Variants in AGO2 observed in about 807,000 individuals in gnomAD.
AGO2 encodes the protein argonaute RISC catalytic component 2.
Under a neutral mutation model 102.3 loss-of-function variants are expected in AGO2, and 5 were observed. The ratio of observed to expected loss-of-function variants is 0.05; its 90% CI spans 0.03 to 0.10. The LOEUF (loss-of-function observed/expected upper bound fraction) is 0.10, where lower values mean the gene tolerates loss of function less well. Ranked by LOEUF, AGO2 falls within the 10% of genes least tolerant of loss-of-function variation. The probability of loss-of-function intolerance (pLI) is 1.00; values close to 1 mark genes in which losing one functional copy is unlikely to be tolerated. For synonymous variants in AGO2, 449 were observed against 473.1 expected (o/e 0.95, Z 0.66); for missense variants, 541 against 1,183.7 (o/e 0.46, Z 7.97).
intron 2 of AGO2, among the ~76,000 whole-genome samples, chr8:140,573,528 C>A (rs2073418564): frequency 6.6e-6 from 1 of 152,162 alleles, no homozygotes; most frequent in Non-Finnish European, 1.5e-5. Flanking sequence ...CTCCTTTGGG[C>A]AACATGACTT....
chr8:140,574,271 T>C (rs1409303401), intron 2 of AGO2, among the ~76,000 whole-genome samples: 1 of 141,414 alleles, frequency 7.1e-6, no homozygotes, highest in Non-Finnish European at 1.5e-5. Flanking sequence ...GTGCTTGTTT[T>C]ATTTTATTTT....
chr8:140,620,471 G>T (rs1471710233), intron 1 of AGO2, among the ~76,000 whole-genome samples: 1 of 152,248 alleles, frequency 6.6e-6, no homozygotes, highest in Non-Finnish European at 1.5e-5. Context: ...TGCGGAGCAG[G>T]AGAGGAGGAC....
rs375556536 is a variant in AGO2, at chr8:140,557,045, G to A, written c.1026+44C>T. 33 of 1,577,160 alleles carry A rather than the reference G, an allele frequency of 2.1e-5. No homozygotes were observed. The highest frequency in any genetic ancestry group is 1.2e-4 in the African/African-American group (9 of 73,922). On this transcript the variant is annotated intron_variant, in intron 8 of 18. Coordinates refer to ENST00000220592, the MANE Select transcript of AGO2 (RefSeq NM_012154.5). This position sits in a 1 kb window ranked among gnomAD's most constrained non-coding sequence, Gnocchi z 5.9. Reference sequence around the variant, plus strand: ...GCTGCATGCCCCAGCCTGGGACGCCGCCCTCCCAAGCCCCCAGAGACACAC... The same window carrying A: ...GCTGCATGCCCCAGCCTGGGACGCCACCCTCCCAAGCCCCCAGAGACACAC...
In AGO2 at chr8:140,529,384, T is replaced by A. The variant is rs1477240026; in HGVS notation, c.*2660A>T. 6.6e-6 allele frequency: 1 copy of A among 152,192 alleles called. No homozygotes were observed. The highest frequency in any genetic ancestry group is 1.5e-5 in the Non-Finnish European group (1 of 68,044). 9.4% of individuals were successfully genotyped at this position (152,192 alleles called of 1,614,324 possible). A position where few individuals can be genotyped will look rare whatever the true frequency, so the allele number is the denominator to read the frequency against. ...ATTGGTAAAAATTTGAGAAAACAAT[T>A]GTTTACCTGAGAAATTGTAACTACA... On this transcript the variant is annotated 3_prime_UTR_variant, in exon 19 of 19. Transcript: ENST00000220592.
intron 10 of AGO2, among the ~76,000 whole-genome samples, chr8:140,553,203 T>C (rs928199003): frequency 6.6e-6 from 1 of 151,812 alleles, no homozygotes; most frequent in Admixed American, 6.6e-5. Context: ...CTGGGTAACA[T>C]AGTGAGACCT....
Position 140,558,472 on chromosome 8 carries a change from A to G in AGO2, c.878+13T>C. 6.2e-7 allele frequency: 1 copy of G among 1,614,080 alleles called. No homozygotes were observed. The highest frequency in any genetic ancestry group is 8.5e-7 in the Non-Finnish European group (1 of 1,179,928). On this transcript the variant is annotated intron_variant, in intron 7 of 18. Coordinates refer to ENST00000220592, the MANE Select transcript of AGO2 (RefSeq NM_012154.5). ...GCCCCAGCCAAGAGAGTCTGAAAGG[A>G]AGGGCGTGTTACGTTTGGTGACTGG...
At chr8:140,554,032 G>A (rs1334986442) in intron 10 of AGO2, among the ~76,000 whole-genome samples, 1 of 152,242 alleles carries the variant, frequency 6.6e-6, no homozygotes, top group African/African-American at 2.4e-5. Flanking sequence ...ACACTCTTGA[G>A]ATTTTTGCAA....
intron 1 of AGO2, among the ~76,000 whole-genome samples, chr8:140,596,381 C>T (rs1045004864): frequency 6.6e-6 from 1 of 152,080 alleles, no homozygotes; most frequent in Admixed American, 6.6e-5. Context: ...GTCGGGAGTT[C>T]GAGACCAGCC....
At chr8:140,612,636 C>T (rs983062010) in intron 1 of AGO2, among the ~76,000 whole-genome samples, 2 of 151,832 alleles carry the variant, frequency 1.3e-5, no homozygotes, top group Non-Finnish European at 2.9e-5. Flanking sequence ...GGCTGTAATC[C>T]CAGCTACTCG....
At chr8:140,601,297 T>C (rs894837711) in intron 1 of AGO2, among the ~76,000 whole-genome samples, 2 of 152,234 alleles carry the variant, frequency 1.3e-5, no homozygotes, top group Non-Finnish European at 2.9e-5. Flanking sequence ...CTTTGTTCAA[T>C]GTCACCTCCT....
intron 10 of AGO2, among the ~76,000 whole-genome samples, chr8:140,555,172 C>T (rs2073073601): frequency 6.6e-6 from 1 of 152,192 alleles, no homozygotes; most frequent in Non-Finnish European, 1.5e-5. Context: ...TAAGACCCTG[C>T]AGAGCCCTGG....
intron 1 of AGO2, among the ~76,000 whole-genome samples, chr8:140,593,669 C>T (rs1433099212): frequency 1.3e-5 from 2 of 151,740 alleles, no homozygotes; most frequent in African/African-American, 4.9e-5. Flanking sequence ...CATAAGTTCC[C>T]ATAATTGAAG....
In AGO2 at chr8:140,539,496, G is replaced by A; in HGVS notation, c.2035-42C>T. 6.3e-7 allele frequency: 1 copy of A among 1,581,704 alleles called. No individual in the cohort carries two copies. Among genetic ancestry groups the A allele is most frequent in the African/African-American group, 1.3e-5 (1 of 74,154 alleles). On this transcript the variant is annotated intron_variant, in intron 15 of 18. Coordinates refer to ENST00000220592, the MANE Select transcript of AGO2 (RefSeq NM_012154.5). This position sits in a 1 kb window ranked among gnomAD's most constrained non-coding sequence, Gnocchi z 4.7. ...GAGGAGGTTGTGCTTAAAGATGGTA[G>A]TGCATGTGAGCAACGGTCCCACGTG... is the stretch of plus-strand genomic sequence containing the variant.
At chr8:140,631,216 G>A (rs1382418110) in intron 1 of AGO2, among the ~76,000 whole-genome samples, 2 of 152,174 alleles carry the variant, frequency 1.3e-5, no homozygotes. Context: ...GGAGGGGGAG[G>A]GGAGGCACGA....
chr8:140,635,364 C>A (rs1463190320), intron 1 of AGO2, 121 bp downstream of exon 1: 10 of 604,432 alleles, frequency 1.7e-5, no homozygotes, highest in African/African-American at 4.1e-5. Flanking sequence ...CCGCCCCCGG[C>A]CCCCGCCGCC....
rs2072954365 is a variant in AGO2 at position 140,549,236 on chromosome 8, G to A, written c.1466C>T (p.Pro489Leu). Reference protein sequence around the residue: ...RDAGMPIQGQPCFCKYAQGAD... With the variant: ...RDAGMPIQGQLCFCKYAQGAD... ...CCCCTGCGCGTATTTGCAGAAGCACGGCTGGCCCTGGATGGGCATGCCGGC... is the reference window on the plus strand; with the variant it reads ...CCCCTGCGCGTATTTGCAGAAGCACAGCTGGCCCTGGATGGGCATGCCGGC... Residue 489 changes from proline (P) to leucine (L), a missense_variant, in exon 12 of 19, where the codon CCG becomes CTG. Coordinates refer to ENST00000220592, the MANE Select transcript of AGO2 (RefSeq NM_012154.5). The A allele has an allele frequency of 1.2e-6, 2 of 1,613,516 alleles. No individual in the cohort carries two copies. The highest frequency in any genetic ancestry group is 1.7e-6 in the Non-Finnish European group (2 of 1,179,710).
At chr8:140,621,805 G>C (rs1476428975) in intron 1 of AGO2, among the ~76,000 whole-genome samples, 1 of 152,158 alleles carries the variant, frequency 6.6e-6, no homozygotes, top group African/African-American at 2.4e-5. Flanking sequence ...TGTTGATGAG[G>C]ACGCGGAGAA....
At chr8:140,587,273 C>A (rs901312455) in intron 1 of AGO2, among the ~76,000 whole-genome samples, 3 of 152,244 alleles carry the variant, frequency 2.0e-5, no homozygotes, top group African/African-American at 7.2e-5. Flanking sequence ...ATAAAACATG[C>A]AATTTCCTAA....
At position 140,520,548 on chromosome 8, in the gene AGO2, C is replaced by G. The variant is rs1166166081; in HGVS notation, c.*11496G>C. 6.6e-6 allele frequency: 1 copy of G among 152,178 alleles called. No homozygotes were observed. The highest frequency in any genetic ancestry group is 1.5e-5 in the Non-Finnish European group (1 of 68,032). 9.4% of individuals were successfully genotyped at this position (152,178 alleles called of 1,614,324 possible). On this transcript the variant is annotated 3_prime_UTR_variant, in exon 19 of 19. Transcript: ENST00000220592. ...TATCTTGACAATCAAGACCACTCCC[C>G]ATCTGTTCAGTTTCGGGTGAGTGCT...
Sources: gnomAD v4.1 joint callset for allele counts (sites outside exome capture counted in the v4.1 genomes callset) on GRCh38, gnomAD v4.1.1 for gene constraint, Gnocchi (gnomAD v3.1) non-coding constraint, MANE v1.5 for transcripts, NCBI Gene and HGNC (gene_info 2026-07-23, HGNC 2026-07-21) for gene names.